C3orf70: variants seen among roughly 807,000 people sequenced by gnomAD.
The protein encoded by C3orf70 is chromosome 3 open reading frame 70.
C3orf70 carries 15 observed loss-of-function variants against 20.7 expected under a neutral mutation model. That is an observed-to-expected ratio of 0.72 (90% CI 0.48 to 1.11). The LOEUF is 1.11. Among genes scored for constraint, C3orf70 ranks in the 50% most tolerant of loss-of-function variants. The pLI is 0.00. For missense variants in C3orf70, 332 were observed against 317.6 expected (o/e 1.05, Z -0.34); for synonymous variants, 161 against 125.7 (o/e 1.28, Z -1.88).
chr3:185,127,724 G>A (rs1330150260), intron 1 of C3orf70, among the ~76,000 whole-genome samples: 2 of 152,104 alleles, frequency 1.3e-5, no homozygotes, highest in Admixed American at 6.5e-5. Context: ...ACAGGCGTGA[G>A]CCACCATGAC....
At chr3:185,097,513 G>T (rs1715733571) in intron 1 of C3orf70, among the ~76,000 whole-genome samples, 1 of 152,180 alleles carries the variant, frequency 6.6e-6, no homozygotes, top group Admixed American at 6.5e-5. Flanking sequence ...GAAAGAACAA[G>T]CTTAGGAAAA....
At chr3:185,133,742 CAAAACA>C (rs1716567562) in intron 1 of C3orf70, among the ~76,000 whole-genome samples, 1 of 151,702 alleles carries the variant, frequency 6.6e-6, no homozygotes, top group Non-Finnish European at 1.5e-5. Flanking sequence ...AGACTTGTCT[CAAAACA>C]AAAACAAAAA....
At chr3:185,111,232 AG>A (rs2108595927) in intron 1 of C3orf70, among the ~76,000 whole-genome samples, 1 of 152,364 alleles carries the variant, frequency 6.6e-6, no homozygotes, top group South Asian at 2.1e-4. Context: ...TGAAAGAAAA[AG>A]TAAATTTGAT....
At chr3:185,131,760 G>A (rs562658287) in intron 1 of C3orf70, among the ~76,000 whole-genome samples, 1 of 152,192 alleles carries the variant, frequency 6.6e-6, no homozygotes, top group African/African-American at 2.4e-5. Flanking sequence ...TTACTTTGAG[G>A]ATATTTGCTG....
intron 1 of C3orf70, among the ~76,000 whole-genome samples, chr3:185,084,110 G>T (rs1458376984): frequency 1.3e-5 from 2 of 151,796 alleles, no homozygotes; most frequent in Non-Finnish European, 2.9e-5. Flanking sequence ...CCTTGATCCA[G>T]AAGCGGAGGT....
At chr3:185,147,157 G>A (rs1218488632) in intron 1 of C3orf70, among the ~76,000 whole-genome samples, 1 of 152,094 alleles carries the variant, frequency 6.6e-6, no homozygotes, top group Admixed American at 6.5e-5. Flanking sequence ...CCACCTATTA[G>A]ACTACATCAA....
intron 1 of C3orf70, among the ~76,000 whole-genome samples, chr3:185,083,904 A>G (rs1395340200): frequency 1.3e-5 from 2 of 152,232 alleles, no homozygotes; most frequent in Non-Finnish European, 2.9e-5. Context: ...ACAATATAGC[A>G]TGGTAAAAAA....
At position 185,133,777 on chromosome 3, in the gene C3orf70, C is replaced by A. The variant is rs551968553; in HGVS notation, c.196+18851G>T. ...ACAAAAACAAAACACATCTATTACA[C>A]ATATATGCAACAAAGTAGCATGCAA... On this transcript the variant is annotated intron_variant, in intron 1 of 1. Transcript: ENST00000335012. Among the ~76,000 whole-genome samples the A allele has an allele frequency of 2.0e-5, 3 of 151,982 alleles. No homozygotes were observed. The South Asian group carries it at 6.2e-4, about 32-fold the overall frequency.
chr3:185,111,313 A>C (rs1179290466), intron 1 of C3orf70, among the ~76,000 whole-genome samples: 41 of 152,246 alleles, frequency 2.7e-4, no homozygotes, highest in Non-Finnish European at 4.4e-5. Flanking sequence ...CAACCCACAG[A>C]AAGAGAGAAA....
In C3orf70 at chr3:185,080,777, G is replaced by C. The variant is rs1347266525; in HGVS notation, c.*2230C>G. On this transcript the variant is annotated 3_prime_UTR_variant, in exon 2 of 2. Coordinates refer to ENST00000335012, the MANE Select transcript of C3orf70 (RefSeq NM_001025266.3). ...GCCACCTGAGCCATGCCCTGGCAGG[G>C]GGAAGCTCCTCATGCTCACACCTGC... 1 of 151,956 alleles carries C rather than the reference G, an allele frequency of 6.6e-6. No homozygotes were observed. Among genetic ancestry groups the C allele is most frequent in the Non-Finnish European group, 1.5e-5 (1 of 67,992 alleles). The allele number at this position is 151,956 out of a possible 1,614,324, so 9.4% of individuals were successfully genotyped here.
rs1191748743 is a variant in C3orf70, at chr3:185,133,135, T to C, written c.196+19493A>G. Among the ~76,000 whole-genome samples the C allele has an allele frequency of 3.9e-5, 6 of 152,202 alleles. No individual in the cohort carries two copies. The South Asian group carries it at 6.2e-4, about 16-fold the overall frequency. On this transcript the variant is annotated intron_variant, in intron 1 of 1. Transcript: ENST00000335012. ...AACCACTGAGATACCATTTCTCACT[T>C]ATAATCATTGGCAAAAACTCAAAAG...
At chr3:185,092,435 C>T (rs1030914137) in intron 1 of C3orf70, among the ~76,000 whole-genome samples, 3 of 144,982 alleles carry the variant, frequency 2.1e-5, no homozygotes, top group African/African-American at 8.6e-5. Flanking sequence ...ATCTCTGCCA[C>T]CTACCTCACC....
At chr3:185,116,364 T>C (rs992906125) in intron 1 of C3orf70, among the ~76,000 whole-genome samples, 1 of 111,562 alleles carries the variant, frequency 9.0e-6, no homozygotes, top group African/African-American at 3.7e-5. Context: ...AAAAAACAAA[T>C]ATTATAGTAC....
At chr3:185,115,171 A>T (rs1294009348) in intron 1 of C3orf70, among the ~76,000 whole-genome samples, 1 of 152,206 alleles carries the variant, frequency 6.6e-6, no homozygotes, top group East Asian at 1.9e-4. Flanking sequence ...AAAGCTTCTC[A>T]AGTGACTCCA....
chr3:185,115,292 G>C (rs1716153373), intron 1 of C3orf70, among the ~76,000 whole-genome samples: 1 of 152,078 alleles, frequency 6.6e-6, no homozygotes, highest in African/African-American at 2.4e-5. Flanking sequence ...TTTGGCTACT[G>C]GTTAACTGAT....
chr3:185,150,405 T>C (rs1313757254), intron 1 of C3orf70, among the ~76,000 whole-genome samples: 1 of 152,052 alleles, frequency 6.6e-6, no homozygotes, highest in Non-Finnish European at 1.5e-5. Flanking sequence ...AGAGCCAGGA[T>C]CTAAAAACAC....
chr3:185,100,645 G>A (rs1715802933), intron 1 of C3orf70, among the ~76,000 whole-genome samples: 1 of 151,812 alleles, frequency 6.6e-6, no homozygotes, highest in African/African-American at 2.4e-5. Context: ...AAAACCAAGA[G>A]CAAGCCAATC....
intron 1 of C3orf70, among the ~76,000 whole-genome samples, chr3:185,132,281 G>A (rs1377921841): frequency 6.6e-6 from 1 of 152,108 alleles, no homozygotes; most frequent in African/African-American, 2.4e-5. Context: ...ATCAGAAACA[G>A]AACATAAAAC....
Position 185,082,883 on chromosome 3 carries a change from C to CGGTTGTT in C3orf70, c.*117_*123dup, listed in dbSNP as rs1257914414. The CGGTTGTT allele has an allele frequency of 2.3e-6, 2 of 863,178 alleles. No homozygotes were observed. Among genetic ancestry groups the CGGTTGTT allele is most frequent in the East Asian group, 4.8e-5 (2 of 41,274 alleles). The allele number at this position is 863,178 out of a possible 1,614,324, so 53.5% of individuals were successfully genotyped here. ...TAATCAGCATACCACTGAACTGCTA[C>CGGTTGTT]GGTTGTTGGTTGGAGCGGGGCGGGG... is the stretch of plus-strand genomic sequence containing the variant. On this transcript the variant is annotated 3_prime_UTR_variant, in exon 2 of 2. Coordinates refer to ENST00000335012, the MANE Select transcript of C3orf70 (RefSeq NM_001025266.3).
Sources: allele counts gnomAD v4.1 joint callset (sites outside exome capture counted in the v4.1 genomes callset), GRCh38; gene constraint gnomAD v4.1.1; transcripts MANE v1.5; gene names NCBI Gene and HGNC (gene_info 2026-07-23, HGNC 2026-07-21).